Variants in RBFOX2 observed in about 807,000 individuals in gnomAD.
RBFOX2 encodes the protein RNA binding fox-1 homolog 2.
RBFOX2 carries 10 observed loss-of-function variants against 49.1 expected under a neutral mutation model. That is an observed-to-expected ratio of 0.20 (90% confidence interval 0.13 to 0.35). The LOEUF is 0.35. RBFOX2 is among the 10% of genes least tolerant of loss of function. RBFOX2 has a pLI of 1.00. For missense variants in RBFOX2, 323 were observed against 486.9 expected (o/e 0.66, Z 3.17); for synonymous variants, 183 against 187.4 (o/e 0.98, Z 0.19).
rs564326724 is a variant in RBFOX2 at position 35,992,464 on chromosome 22, C to A, written c.186+35776G>T. The A allele has an allele frequency of 3.9e-5, 6 of 152,284 alleles. 1 individual carries two copies. The South Asian group carries it at 1.2e-3, about 32-fold the overall frequency. 9.4% of individuals were successfully genotyped at this position (152,284 alleles called of 1,614,324 possible). ...CAATCCATTCATCTAGCCCGGCAGA[C>A]TTCTCAAACTTAAGAGATAATTTTA... On this transcript the variant is annotated intron_variant, in intron 1 of 13. Coordinates refer to the RBFOX2 transcript ENST00000438146.
intron 1 of RBFOX2, among the ~76,000 whole-genome samples, chr22:35,867,343 T>A (rs899310620): frequency 5.9e-5 from 9 of 152,216 alleles, no homozygotes; most frequent in Non-Finnish European, 1.2e-4. Context: ...TCCAGAATAA[T>A]ATGAGTACAT....
intron 1 of RBFOX2, among the ~76,000 whole-genome samples, chr22:35,855,041 T>C (rs975338483): frequency 6.6e-6 from 1 of 152,194 alleles, no homozygotes; most frequent in Non-Finnish European, 1.5e-5. Context: ...AACATCATTC[T>C]TTCAGTATTT....
At chr22:35,744,153 C>T (rs1211228868) in exon 12 of RBFOX2, 4 of 1,548,568 alleles carry the variant, frequency 2.6e-6, no homozygotes, top group African/African-American at 2.8e-5. Context: ...ATTGCAATAG[C>T]CAGGCCTCAT....
At chr22:35,798,275 T>C (rs1949142242) in intron 2 of RBFOX2, among the ~76,000 whole-genome samples, 1 of 152,228 alleles carries the variant, frequency 6.6e-6, no homozygotes, top group South Asian at 2.1e-4. Flanking sequence ...GCACCAGGCC[T>C]GTACTGTTTT....
intron 1 of RBFOX2, among the ~76,000 whole-genome samples, chr22:35,946,380 T>C (rs1481558236): frequency 1.3e-5 from 2 of 152,202 alleles, no homozygotes; most frequent in Non-Finnish European, 2.9e-5. Flanking sequence ...CAGATTCAAA[T>C]TCTGGCTGGG....
At chr22:35,750,922 C>T (rs1196964069) in intron 9 of RBFOX2, among the ~76,000 whole-genome samples, 1 of 152,166 alleles carries the variant, frequency 6.6e-6, no homozygotes, top group African/African-American at 2.4e-5. Context: ...CTTTAAGATC[C>T]TTTCCAGTGT....
At chr22:35,884,625 A>G (rs1310769442) in intron 1 of RBFOX2, among the ~76,000 whole-genome samples, 1 of 152,214 alleles carries the variant, frequency 6.6e-6, no homozygotes, top group Admixed American at 6.5e-5. Context: ...AGCACCCAAG[A>G]TAAAAGCCAC....
At chr22:35,851,275 T>C (rs944346336) in intron 1 of RBFOX2, among the ~76,000 whole-genome samples, 7 of 152,250 alleles carry the variant, frequency 4.6e-5, no homozygotes, top group African/African-American at 1.7e-4. Context: ...AATTTGCTGG[T>C]ACTGATTCTA....
rs1379056276 is a variant in RBFOX2, at chr22:35,868,759, A to G, written c.-33-58755T>C. Among the ~76,000 whole-genome samples the G allele has an allele frequency of 3.9e-5, 6 of 152,218 alleles. No homozygotes were observed. In the East Asian group the frequency reaches 1.2e-3, roughly 29 times the overall value. ...AATACGTACACTGTTCTGGGGACCT[A>G]GTCCAGAGATTTCATTAAATTCTCA... On this transcript the variant is annotated intron_variant, in intron 1 of 13. Transcript: ENST00000359369.
chr22:35,933,953 T>TATATATACACAC (rs1009021083), intron 1 of RBFOX2, among the ~76,000 whole-genome samples: 5 of 141,072 alleles, frequency 3.5e-5, no homozygotes, highest in African/African-American at 1.4e-4. Flanking sequence ...TATATATATA[T>TATATATACACAC]ACACACATCA....
intron 1 of RBFOX2, among the ~76,000 whole-genome samples, chr22:36,013,210 T>C (rs1191334702): frequency 6.6e-6 from 1 of 151,864 alleles, no homozygotes; most frequent in Non-Finnish European, 1.5e-5. Context: ...GAGTTCAAGG[T>C]TGCAGTGAGC....
intron 1 of RBFOX2, among the ~76,000 whole-genome samples, chr22:35,900,058 G>T (rs1216440963): frequency 6.6e-6 from 1 of 152,142 alleles, no homozygotes; most frequent in Non-Finnish European, 1.5e-5. Flanking sequence ...GGGCAGAAAG[G>T]GTCTGGAGCC....
In RBFOX2 at chr22:35,823,350, T is replaced by G. The variant is rs61332969; in HGVS notation, c.28-13346A>C. Among the ~76,000 whole-genome samples the G allele has an allele frequency of 3.4e-3, 514 of 152,362 alleles. 1 individual carries two copies. Among genetic ancestry groups the G allele is most frequent in the African/African-American group, 0.011 (454 of 41,598 alleles). ...ACACTAGCAAGCAGCCTCCTTGTATTCACCAACAGGCATCTGCTTATTCTT... is the reference window on the plus strand; with the variant it reads ...ACACTAGCAAGCAGCCTCCTTGTATGCACCAACAGGCATCTGCTTATTCTT... On this transcript the variant is annotated intron_variant, in intron 1 of 11. Coordinates refer to ENST00000405409, the Ensembl canonical transcript of RBFOX2.
exon 12 of RBFOX2, chr22:35,744,044 T>G: frequency 2.0e-6 from 1 of 500,720 alleles, no homozygotes. Flanking sequence ...AAGAACATAG[T>G]GAGGTATAAA....
chr22:35,874,393 C>A (rs1449653712), intron 1 of RBFOX2, among the ~76,000 whole-genome samples: 1 of 151,836 alleles, frequency 6.6e-6, no homozygotes, highest in African/African-American at 2.4e-5. Context: ...AGTAAACTTA[C>A]AAGTTGTCAA....
intron 1 of RBFOX2, among the ~76,000 whole-genome samples, chr22:35,859,335 A>C (rs1308770837): frequency 6.6e-6 from 1 of 152,210 alleles, no homozygotes; most frequent in Non-Finnish European, 1.5e-5. Context: ...CAAGTGCATA[A>C]AACAGCATAG....
At chr22:36,026,512 A>G (rs1365362267) in intron 1 of RBFOX2, among the ~76,000 whole-genome samples, 1 of 150,986 alleles carries the variant, frequency 6.6e-6, no homozygotes, top group Non-Finnish European at 1.5e-5. Flanking sequence ...ACTATTAACT[A>G]GGATTGACAG....
chr22:35,898,419 C>CTTTTTTTT (rs749708583), intron 1 of RBFOX2: 2 of 278,032 alleles, frequency 7.2e-6, no homozygotes, highest in Non-Finnish European at 6.7e-6. Context: ...TCCCACAATC[C>CTTTTTTTT]TTTTTTTTTT....
At chr22:36,026,543 C>CAT (rs546432928) in intron 1 of RBFOX2, among the ~76,000 whole-genome samples, 1 of 138,574 alleles carries the variant, frequency 7.2e-6, no homozygotes, top group African/African-American at 2.7e-5. Context: ...TGAATACATA[C>CAT]ACACACACAC....
Sources: gnomAD v4.1 joint callset for allele counts (sites outside exome capture counted in the v4.1 genomes callset) on GRCh38, gnomAD v4.1.1 for gene constraint, MANE v1.5 for transcripts, NCBI Gene and HGNC (gene_info 2026-07-23, HGNC 2026-07-21) for gene names.